The following GALNT17 variants were observed in gnomAD, a reference collection of about 807,000 sequenced individuals.
The protein encoded by GALNT17 is UDP-GalNAc:polypeptide N-acetylgalactosaminyltransferase-like 3.
A neutral mutation model predicts 63.7 loss-of-function variants in GALNT17; 29 were observed. The ratio of observed to expected loss-of-function variants is 0.46; its 90% CI spans 0.34 to 0.62. The LOEUF (loss-of-function observed/expected upper bound fraction) is 0.62. GALNT17 is among the 20% of genes least tolerant of loss of function. The pLI is 0.01. For synonymous variants in GALNT17, 305 were observed against 318.3 expected (o/e 0.96, Z 0.45); for missense variants, 603 against 799.6 (o/e 0.75, Z 2.97).
intron 1 of GALNT17, among the ~76,000 whole-genome samples, chr7:71,275,148 C>G (rs1015912791): frequency 6.6e-6 from 1 of 152,214 alleles, no homozygotes. Flanking sequence ...TCTCCGGCAC[C>G]TCTCAGTTTC....
At chr7:71,460,949 G>A (rs183605464) in intron 5 of GALNT17, among the ~76,000 whole-genome samples, 1 of 152,144 alleles carries the variant, frequency 6.6e-6, no homozygotes, top group African/African-American at 2.4e-5. Flanking sequence ...TTTATGACCT[G>A]TATCTTGTGC....
At chr7:71,628,826 G>T (rs1466000203) in intron 6 of GALNT17, among the ~76,000 whole-genome samples, 1 of 152,112 alleles carries the variant, frequency 6.6e-6, no homozygotes, top group Non-Finnish European at 1.5e-5. Context: ...CAGCTACTCA[G>T]GAGGCTGAGG....
At chr7:71,355,091 T>C (rs1792260168) in intron 2 of GALNT17, among the ~76,000 whole-genome samples, 2 of 152,190 alleles carry the variant, frequency 1.3e-5, no homozygotes, top group Non-Finnish European at 2.9e-5. Context: ...TTTTTTCCCA[T>C]AAGTTAGTTA....
chr7:71,229,494 G>T (rs778428512), intron 1 of GALNT17, among the ~76,000 whole-genome samples: 1 of 152,220 alleles, frequency 6.6e-6, no homozygotes, highest in East Asian at 1.9e-4. Context: ...TTTGGTGGTG[G>T]TTGTGAGCTT....
At chr7:71,560,300 C>T (rs1789235219) in intron 5 of GALNT17, among the ~76,000 whole-genome samples, 2 of 151,856 alleles carry the variant, frequency 1.3e-5, no homozygotes, top group East Asian at 1.9e-4. Flanking sequence ...GTGATGTGCT[C>T]CTATCTCATT....
intron 5 of GALNT17, among the ~76,000 whole-genome samples, chr7:71,546,066 C>T (rs1254949972): frequency 6.6e-6 from 1 of 151,732 alleles, no homozygotes; most frequent in Non-Finnish European, 1.5e-5. Flanking sequence ...TTAAGACCAG[C>T]GTGGGTAACA....
At chr7:71,292,932 GT>G (rs1791011127) in intron 1 of GALNT17, among the ~76,000 whole-genome samples, 1 of 152,000 alleles carries the variant, frequency 6.6e-6, no homozygotes, top group South Asian at 2.1e-4. Context: ...TTTTCAATAT[GT>G]GAGATCATGC....
intron 2 of GALNT17, among the ~76,000 whole-genome samples, chr7:71,350,217 TG>T (rs1792166289): frequency 6.6e-6 from 1 of 152,212 alleles, no homozygotes; most frequent in African/African-American, 2.4e-5. Flanking sequence ...ACAGGTACTA[TG>T]GGAGCTATAA....
At chr7:71,631,035 C>T (rs916463176) in intron 6 of GALNT17, among the ~76,000 whole-genome samples, 1 of 152,104 alleles carries the variant, frequency 6.6e-6, no homozygotes, top group African/African-American at 2.4e-5. Flanking sequence ...AGAACAGATA[C>T]AATTCCTGCC....
At chr7:71,573,351 G>GA (rs1228918347) in intron 6 of GALNT17, among the ~76,000 whole-genome samples, 7 of 150,750 alleles carry the variant, frequency 4.6e-5, no homozygotes, top group Admixed American at 2.7e-4. Context: ...TATTTTTTGA[G>GA]AAGTAGTCTT....
At chr7:71,359,285 C>T (rs1563031640) in intron 2 of GALNT17, among the ~76,000 whole-genome samples, 1 of 152,134 alleles carries the variant, frequency 6.6e-6, no homozygotes, top group Non-Finnish European at 1.5e-5. Flanking sequence ...GAGGCTGTGC[C>T]ACCTCTCAGA....
At chr7:71,210,225 A>G (rs751243491) in intron 1 of GALNT17, among the ~76,000 whole-genome samples, 4 of 152,206 alleles carry the variant, frequency 2.6e-5, no homozygotes, top group Admixed American at 6.5e-5. Flanking sequence ...AGCATGGGAA[A>G]GACTGGCCCC....
chr7:71,548,161 G>A (rs1789017641), intron 5 of GALNT17, among the ~76,000 whole-genome samples: 1 of 151,208 alleles, frequency 6.6e-6, no homozygotes, highest in Non-Finnish European at 1.5e-5. Flanking sequence ...AAAATCACTT[G>A]AATCAGGAAG....
intron 2 of GALNT17, among the ~76,000 whole-genome samples, chr7:71,343,628 G>A (rs144358055): frequency 6.6e-6 from 1 of 152,046 alleles, no homozygotes; most frequent in Non-Finnish European, 1.5e-5. Context: ...AGTGTAAAAA[G>A]ATATTATCCC....
At chr7:71,369,602 C>T (rs9638624) in intron 2 of GALNT17, among the ~76,000 whole-genome samples, 1 of 152,032 alleles carries the variant, frequency 6.6e-6, no homozygotes, top group African/African-American at 2.4e-5. Flanking sequence ...CACTTGAGTT[C>T]TAGAGTTCGA....
At position 71,598,046 on chromosome 7, in the gene GALNT17, A is replaced by G. The variant is rs1789913917; in HGVS notation, c.1080+26644A>G. On this transcript the variant is annotated intron_variant, in intron 6 of 10. Transcript: ENST00000333538. ...TGCAACCTCCACCTCCCAGGTTCAAATAATTCTCTGCCTCAGCCTTCCGAG... is the reference window on the plus strand; with the variant it reads ...TGCAACCTCCACCTCCCAGGTTCAAGTAATTCTCTGCCTCAGCCTTCCGAG... Among the ~76,000 whole-genome samples the G allele has an allele frequency of 2.0e-5, 3 of 151,934 alleles. No individual in the cohort carries two copies. In the South Asian group the frequency reaches 6.2e-4, roughly 32 times the overall value.
chr7:71,252,851 C>A (rs1175357558), intron 1 of GALNT17, among the ~76,000 whole-genome samples: 2 of 152,162 alleles, frequency 1.3e-5, no homozygotes, highest in East Asian at 3.9e-4. Context: ...TGAGGAAATT[C>A]TTTGTGGGCT....
intron 5 of GALNT17, among the ~76,000 whole-genome samples, chr7:71,565,287 C>G (rs921780638): frequency 1.3e-5 from 2 of 151,730 alleles, no homozygotes; most frequent in Non-Finnish European, 2.9e-5. Flanking sequence ...AAATCAGGCT[C>G]CTGACGGGGA....
At chr7:71,691,286 A>T (rs1235428515) in intron 9 of GALNT17, among the ~76,000 whole-genome samples, 2 of 152,202 alleles carry the variant, frequency 1.3e-5, no homozygotes, top group African/African-American at 4.8e-5. Context: ...GATCACTAGT[A>T]TTTTTAGCCA....
Sources: allele counts gnomAD v4.1 joint callset (sites outside exome capture counted in the v4.1 genomes callset), GRCh38; gene constraint gnomAD v4.1.1; transcripts MANE v1.5; gene names NCBI Gene and HGNC (gene_info 2026-07-23, HGNC 2026-07-21).